The following PALLD variants were observed in gnomAD, a reference collection of about 807,000 sequenced individuals.
PALLD encodes the protein palladin, cytoskeletal associated protein, also known as palladin.
A neutral mutation model predicts 123.5 loss-of-function variants in PALLD; 61 were observed. The ratio of observed to expected loss-of-function variants is 0.49; its 90% CI spans 0.40 to 0.61. The LOEUF (loss-of-function observed/expected upper bound fraction) is 0.61. PALLD is among the 20% of genes least tolerant of loss of function. The probability of loss-of-function intolerance (pLI) is 0.00; values close to 1 mark genes in which losing one functional copy is unlikely to be tolerated. For synonymous variants in PALLD, 465 were observed against 496.4 expected, an observed-to-expected ratio of 0.94 and a Z score of 0.84; for missense variants, 1,273 against 1,377.0, an observed-to-expected ratio of 0.92 and a Z score of 1.20.
intron 15 of PALLD, among the ~76,000 whole-genome samples, chr4:168,910,721 C>G (rs1057127066): frequency 4.6e-5 from 7 of 152,136 alleles, no homozygotes; most frequent in African/African-American, 1.7e-4. Flanking sequence ...GATTAAGTTA[C>G]CTGCCTAAAG....
chr4:168,610,688 T>C (rs2149763172), intron 2 of PALLD, among the ~76,000 whole-genome samples: 1 of 150,700 alleles, frequency 6.6e-6, no homozygotes, highest in African/African-American at 2.5e-5. Context: ...GCCAGCACTT[T>C]TACACAAACA....
rs188931030 is a variant in PALLD, at chr4:168,720,237, A to T, written c.1964+8314A>T. On this transcript the variant is annotated intron_variant, in intron 10 of 21. Coordinates refer to ENST00000505667, the MANE Select transcript of PALLD (RefSeq NM_001166108.2). The stretch of plus-strand genomic sequence containing the variant: ...TCTTTCAGCATCATACAAATTTTGT[A>T]GAAGAATGGCCAATCCCTAAATTAG... Among the ~76,000 whole-genome samples, 12 of 152,360 alleles carry T rather than the reference A, an allele frequency of 7.9e-5. No homozygotes were observed. In the East Asian group the frequency reaches 2.3e-3, roughly 29 times the overall value.
At chr4:168,701,243 C>T (rs747763123) in intron 8 of PALLD, among the ~76,000 whole-genome samples, 15 of 152,244 alleles carry the variant, frequency 9.9e-5, no homozygotes, top group African/African-American at 1.2e-4. Context: ...CTTACCAGAG[C>T]GTGGCTTCAC....
At chr4:168,715,670 C>G (rs74417350) in intron 10 of PALLD, among the ~76,000 whole-genome samples, 8,530 of 152,166 alleles carry the variant, frequency 0.056, 710 homozygotes, top group African/African-American at 0.18. Context: ...GGTCCTTCAG[C>G]CAGGGCGCGG....
chr4:168,670,505 G>A (rs1488958276), intron 3 of PALLD, among the ~76,000 whole-genome samples: 1 of 151,562 alleles, frequency 6.6e-6, no homozygotes, highest in Admixed American at 6.6e-5. Flanking sequence ...AGGCCGAGGC[G>A]GGTGGATCAT....
intron 10 of PALLD, among the ~76,000 whole-genome samples, chr4:168,779,833 C>A (rs899198586): frequency 3.9e-5 from 6 of 151,928 alleles, no homozygotes; most frequent in Admixed American, 3.9e-4. Context: ...CCTTCAAATT[C>A]TTTCTACTGT....
intron 10 of PALLD, among the ~76,000 whole-genome samples, chr4:168,760,965 C>T (rs1732744775): frequency 6.6e-6 from 1 of 152,160 alleles, no homozygotes. Flanking sequence ...TAGGAAGTAC[C>T]ATCTCAAGGA....
At chr4:168,842,807 A>G (rs1746234108) in intron 10 of PALLD, among the ~76,000 whole-genome samples, 1 of 152,202 alleles carries the variant, frequency 6.6e-6, no homozygotes, top group Non-Finnish European at 1.5e-5. Context: ...ATTTAAGTAG[A>G]TGACTTTATG....
intron 2 of PALLD, among the ~76,000 whole-genome samples, chr4:168,625,530 TTA>T (rs1775182679): frequency 6.6e-5 from 4 of 60,300 alleles, no homozygotes; most frequent in Non-Finnish European, 1.4e-4. Flanking sequence ...CTATAAGGGG[TTA>T]ATATTCAGGA....
intron 2 of PALLD, among the ~76,000 whole-genome samples, chr4:168,554,407 A>C (rs568129248): frequency 3.9e-5 from 6 of 152,348 alleles, no homozygotes; most frequent in Admixed American, 1.3e-4. Flanking sequence ...TGGAGCAAAG[A>C]CACTATCCCA....
At chr4:168,522,383 G>A (rs963662232) in intron 2 of PALLD, among the ~76,000 whole-genome samples, 16 of 152,252 alleles carry the variant, frequency 1.1e-4, no homozygotes, top group African/African-American at 2.9e-4. Flanking sequence ...TGTGCTTTTC[G>A]GAAGTTTAAT....
At chr4:168,606,367 G>A (rs1054176397) in intron 2 of PALLD, among the ~76,000 whole-genome samples, 1 of 152,110 alleles carries the variant, frequency 6.6e-6, no homozygotes, top group Non-Finnish European at 1.5e-5. Context: ...TTGAAGCAGT[G>A]CCCTTCACTT....
intron 2 of PALLD, among the ~76,000 whole-genome samples, chr4:168,621,861 T>A (rs921166504): frequency 1.3e-5 from 2 of 152,172 alleles, no homozygotes; most frequent in African/African-American, 4.8e-5. Flanking sequence ...AGGGATATGA[T>A]GCTGTGTAAA....
chr4:168,763,310 G>A (rs2150455917), intron 10 of PALLD, among the ~76,000 whole-genome samples: 1 of 152,290 alleles, frequency 6.6e-6, no homozygotes, highest in East Asian at 1.9e-4. Context: ...ATACCATAGA[G>A]TACCTACTAT....
intron 2 of PALLD, among the ~76,000 whole-genome samples, chr4:168,626,263 G>C (rs1775268107): frequency 6.6e-6 from 1 of 151,944 alleles, no homozygotes; most frequent in Non-Finnish European, 1.5e-5. Flanking sequence ...TTAGGCGGGC[G>C]TGGTGGTGGG....
At chr4:168,656,966 G>A (rs1027563046) in intron 2 of PALLD, among the ~76,000 whole-genome samples, 5 of 152,324 alleles carry the variant, frequency 3.3e-5, no homozygotes, top group Admixed American at 6.5e-5. Flanking sequence ...CTCTGAAACC[G>A]AGTTGGGGAT....
intron 2 of PALLD, among the ~76,000 whole-genome samples, chr4:168,513,067 GAAA>G (rs56067005): frequency 7.1e-6 from 1 of 140,056 alleles, no homozygotes; most frequent in South Asian, 2.3e-4. Flanking sequence ...AAGTTGGAAA[GAAA>G]AAAAAAAAAG....
Position 168,718,540 on chromosome 4 carries a change from CTTTT to C in PALLD, c.1964+6618_1964+6621del, listed in dbSNP as rs1313294686. On this transcript the variant is annotated intron_variant, in intron 10 of 21. Coordinates refer to ENST00000505667, the MANE Select transcript of PALLD (RefSeq NM_001166108.2). ...AGTTAGCTAGCCATTACTTTCATTT[CTTTT>C]CAACTTAAATTTGTTTTTTCTAGGT... is the stretch of plus-strand genomic sequence containing the variant. Among the ~76,000 whole-genome samples, 3 of 152,074 alleles carry C rather than the reference CTTTT, an allele frequency of 2.0e-5. No homozygotes were observed. The East Asian group carries it at 5.8e-4, about 29-fold the overall frequency.
chr4:168,895,786 A>G (rs982562243), intron 12 of PALLD, among the ~76,000 whole-genome samples: 2 of 152,264 alleles, frequency 1.3e-5, no homozygotes, highest in Non-Finnish European at 2.9e-5. Context: ...TTTAGTCTTA[A>G]TATCTAGTCA....
Sources: gnomAD v4.1 joint callset for allele counts (sites outside exome capture counted in the v4.1 genomes callset) on GRCh38, gnomAD v4.1.1 for gene constraint, MANE v1.5 for transcripts, NCBI Gene and HGNC (gene_info 2026-07-23, HGNC 2026-07-21) for gene names.